The following ZNF385D variants were observed in gnomAD, a reference collection of about 807,000 sequenced individuals.
ZNF385D encodes the protein zinc finger protein 659.
A neutral mutation model predicts 35.8 loss-of-function variants in ZNF385D; 15 were observed. The observed-to-expected ratio is 0.42, with a 90% CI of 0.28 to 0.64. ZNF385D has a LOEUF of 0.64. Ranked by LOEUF, ZNF385D falls within the 30% of genes least tolerant of loss-of-function variation. ZNF385D has a pLI of 0.23. For synonymous variants in ZNF385D, 212 were observed against 186.8 expected (o/e 1.13, Z -1.10); for missense variants, 474 against 494.6 (o/e 0.96, Z 0.39).
At chr3:21,589,356 A>G (rs1009339306) in intron 2 of ZNF385D, among the ~76,000 whole-genome samples, 5 of 140,956 alleles carry the variant, frequency 3.5e-5, no homozygotes, top group East Asian at 2.2e-4. Context: ...AGACAAATCA[A>G]TGAATGAGCT....
intron 3 of ZNF385D, among the ~76,000 whole-genome samples, chr3:21,878,533 A>G (rs1482441896): frequency 4.1e-5 from 1 of 24,596 alleles, no homozygotes; most frequent in Non-Finnish European, 1.0e-4. Flanking sequence ...ATCTGCATGA[A>G]GTCCTTATTT....
chr3:21,899,726 T>C (rs549517963), intron 3 of ZNF385D, among the ~76,000 whole-genome samples: 1 of 152,290 alleles, frequency 6.6e-6, no homozygotes, highest in East Asian at 1.9e-4. Flanking sequence ...TTATGTTTGC[T>C]TTATATTTGC....
At chr3:21,949,200 A>G (rs2125293669) in intron 3 of ZNF385D, among the ~76,000 whole-genome samples, 2 of 152,350 alleles carry the variant, frequency 1.3e-5, no homozygotes, top group East Asian at 3.9e-4. Flanking sequence ...TTAGGGAAAC[A>G]GAATTTTTGG....
intron 3 of ZNF385D, among the ~76,000 whole-genome samples, chr3:21,939,969 A>G (rs770340945): frequency 6.6e-6 from 1 of 152,176 alleles, no homozygotes; most frequent in Non-Finnish European, 1.5e-5. Flanking sequence ...GGAAAGAAGA[A>G]TGAAAGCATT....
chr3:22,101,791 T>C (rs886729691), intron 3 of ZNF385D, among the ~76,000 whole-genome samples: 1 of 152,028 alleles, frequency 6.6e-6, no homozygotes, highest in Non-Finnish European at 1.5e-5. Context: ...ATATCAAGAA[T>C]GGTATACTTC....
intron 3 of ZNF385D, among the ~76,000 whole-genome samples, chr3:21,901,758 A>G (rs904067078): frequency 7.9e-5 from 12 of 152,232 alleles, no homozygotes; most frequent in African/African-American, 2.7e-4. Context: ...GAAGAAAGCT[A>G]TAAATGTGAC....
intron 2 of ZNF385D, among the ~76,000 whole-genome samples, chr3:22,242,342 A>G (rs1435925109): frequency 3.3e-5 from 5 of 151,182 alleles, no homozygotes; most frequent in African/African-American, 4.9e-5. Flanking sequence ...CATTGAAGAG[A>G]GTGCTTCTCA....
At chr3:22,196,054 G>A (rs1645188202) in intron 2 of ZNF385D, among the ~76,000 whole-genome samples, 1 of 151,928 alleles carries the variant, frequency 6.6e-6, no homozygotes. Flanking sequence ...AAGAGGATCA[G>A]GAAAAATAAC....
At chr3:21,483,889 G>A (rs1217341155) in intron 4 of ZNF385D, among the ~76,000 whole-genome samples, 4 of 151,908 alleles carry the variant, frequency 2.6e-5, no homozygotes, top group South Asian at 2.1e-4. Flanking sequence ...CAGACCATAA[G>A]TTTTTAATTT....
chr3:21,751,429 C>T (rs1373319270), upstream of ZNF385D: 2 of 1,004,034 alleles, frequency 2.0e-6, no homozygotes, highest in African/African-American at 3.5e-5. Context: ...GAGAAATTCA[C>T]CACTGTGCAG....
At chr3:22,066,286 T>A (rs533823766) in intron 3 of ZNF385D, among the ~76,000 whole-genome samples, 1 of 149,674 alleles carries the variant, frequency 6.7e-6, no homozygotes. Context: ...GGGAAAACAA[T>A]GCTTCTTTGT....
At chr3:22,070,427 T>C (rs1700174414) in intron 3 of ZNF385D, among the ~76,000 whole-genome samples, 1 of 152,190 alleles carries the variant, frequency 6.6e-6, no homozygotes, top group Non-Finnish European at 1.5e-5. Flanking sequence ...TGTCATTATA[T>C]GGTAGACATT....
At chr3:22,249,063 T>C (rs1237959942) in intron 2 of ZNF385D, among the ~76,000 whole-genome samples, 1 of 152,120 alleles carries the variant, frequency 6.6e-6, no homozygotes, top group Non-Finnish European at 1.5e-5. Flanking sequence ...CACTGGCTGT[T>C]TAATGCCAGG....
intron 3 of ZNF385D, among the ~76,000 whole-genome samples, chr3:21,856,369 A>G (rs1696713233): frequency 1.3e-5 from 2 of 152,008 alleles, no homozygotes; most frequent in East Asian, 3.9e-4. Flanking sequence ...GCTTTAAATA[A>G]CATTCCTAAT....
chr3:21,760,388 T>C (rs1211160136), intron 3 of ZNF385D, among the ~76,000 whole-genome samples: 1 of 152,194 alleles, frequency 6.6e-6, no homozygotes, highest in Non-Finnish European at 1.5e-5. Context: ...ATCAACTGGA[T>C]TTCTCTGTAC....
At chr3:21,978,684 T>A (rs988581176) in intron 3 of ZNF385D, among the ~76,000 whole-genome samples, 1 of 152,200 alleles carries the variant, frequency 6.6e-6, no homozygotes, top group Non-Finnish European at 1.5e-5. Flanking sequence ...TATGTCTATG[T>A]CTCTAGATAG....
chr3:22,124,357 C>T lies in ZNF385D; in HGVS notation c.325+44460G>A, dbSNP rs1249591318. On this transcript the variant is annotated intron_variant, in intron 3 of 5. Coordinates refer to the ZNF385D transcript ENST00000494108. ...ATGGACACTTAGGTTGATTCCAATT[C>T]ATAGCTATTATAAATACTGCTGCAA... Among the ~76,000 whole-genome samples, 4 of 152,270 alleles carry T rather than the reference C, an allele frequency of 2.6e-5. No homozygotes were observed. The East Asian group carries it at 7.7e-4, about 29-fold the overall frequency.
At chr3:22,291,506 T>A (rs1337729381) in intron 2 of ZNF385D, among the ~76,000 whole-genome samples, 3 of 152,076 alleles carry the variant, frequency 2.0e-5, no homozygotes, top group African/African-American at 7.2e-5. Flanking sequence ...TTCCTATATA[T>A]CTTTTATAAT....
chr3:21,613,427 G>A (rs1473735964), intron 2 of ZNF385D, among the ~76,000 whole-genome samples: 3 of 151,120 alleles, frequency 2.0e-5, no homozygotes, highest in South Asian at 4.2e-4. Flanking sequence ...AAGTGACCAT[G>A]TGAACACATT....
Sources: allele counts gnomAD v4.1 joint callset (sites outside exome capture counted in the v4.1 genomes callset), GRCh38; gene constraint gnomAD v4.1.1; transcripts MANE v1.5; gene names NCBI Gene and HGNC (gene_info 2026-07-23, HGNC 2026-07-21).